Variants in DGKB observed in about 807,000 individuals in gnomAD.
The protein encoded by DGKB is diacylglycerol kinase beta.
DGKB carries 67 observed loss-of-function variants against 114.3 expected under a neutral mutation model. The observed-to-expected ratio is 0.59, with a 90% CI of 0.48 to 0.72. DGKB has a LOEUF of 0.72. Ranked by LOEUF, DGKB falls within the 30% of genes least tolerant of loss-of-function variation. The pLI is 0.00. For synonymous variants in DGKB, 398 were observed against 323.1 expected (o/e 1.23, Z -2.49); for missense variants, 907 against 975.2 (o/e 0.93, Z 0.93).
chr7:14,164,758 G>T (rs1445582561), intron 25 of DGKB, among the ~76,000 whole-genome samples: 4 of 151,986 alleles, frequency 2.6e-5, no homozygotes, highest in African/African-American at 9.7e-5. Flanking sequence ...TAACTTTTTG[G>T]GGGGGTATAA....
At chr7:14,708,674 G>A (rs1416231917) in intron 6 of DGKB, among the ~76,000 whole-genome samples, 1 of 151,366 alleles carries the variant, frequency 6.6e-6, no homozygotes, top group East Asian at 1.9e-4. Flanking sequence ...ACCTACAACT[G>A]TCTGATCTTT....
At chr7:14,343,303 A>C (rs559373506) in intron 22 of DGKB, among the ~76,000 whole-genome samples, 1 of 151,936 alleles carries the variant, frequency 6.6e-6, no homozygotes, top group South Asian at 2.1e-4. Context: ...CAGAGCTAGA[A>C]GGTCAGGCTG....
At chr7:14,279,143 C>A (rs1799481595) in intron 23 of DGKB, among the ~76,000 whole-genome samples, 1 of 152,192 alleles carries the variant, frequency 6.6e-6, no homozygotes, top group African/African-American at 2.4e-5. Flanking sequence ...AAAATCGGGT[C>A]ACTCCCACCC....
chr7:14,724,444 T>C (rs1829717757), intron 5 of DGKB, among the ~76,000 whole-genome samples: 1 of 152,162 alleles, frequency 6.6e-6, no homozygotes, highest in Non-Finnish European at 1.5e-5. Flanking sequence ...TGATTCCTTA[T>C]AAAGAGAAGA....
chr7:14,776,988 G>A (rs1455163330), intron 2 of DGKB, among the ~76,000 whole-genome samples: 1 of 152,188 alleles, frequency 6.6e-6, no homozygotes, highest in African/African-American at 2.4e-5. Flanking sequence ...AAGGCTCTGT[G>A]AGTCCACCTC....
chr7:14,689,873 A>G (rs138317738), intron 9 of DGKB, among the ~76,000 whole-genome samples: 73 of 152,342 alleles, frequency 4.8e-4, no homozygotes, highest in Non-Finnish European at 7.8e-4. Context: ...AACACACTGC[A>G]TATTACTTTA....
chr7:14,947,204 G>A (rs910715364), intron 1 of DGKB, among the ~76,000 whole-genome samples: 5 of 151,548 alleles, frequency 3.3e-5, no homozygotes, highest in African/African-American at 1.2e-4. Flanking sequence ...AGTTTGTTAT[G>A]TTTAAACCTA....
At chr7:14,474,655 CA>C (rs1563267992) in intron 21 of DGKB, among the ~76,000 whole-genome samples, 3 of 150,838 alleles carry the variant, frequency 2.0e-5, no homozygotes, top group African/African-American at 4.9e-5. Context: ...TCCTTTTTTT[CA>C]AAAAAGGAAG....
intron 2 of DGKB, among the ~76,000 whole-genome samples, chr7:14,761,385 T>C (rs886071060): frequency 7.2e-5 from 11 of 152,226 alleles, no homozygotes; most frequent in Admixed American, 1.3e-4. Context: ...AAAATCCTAC[T>C]GCTATGTTTT....
chr7:14,321,093 C>T (rs1346900592), intron 23 of DGKB, among the ~76,000 whole-genome samples: 1 of 152,008 alleles, frequency 6.6e-6, no homozygotes, highest in East Asian at 1.9e-4. Flanking sequence ...GAGTTTGAGA[C>T]CATTCTGGAA....
chr7:14,448,911 A>C (rs1176923937), intron 21 of DGKB, among the ~76,000 whole-genome samples: 4 of 152,092 alleles, frequency 2.6e-5, no homozygotes, highest in Admixed American at 2.6e-4. Context: ...AACTGGAAAG[A>C]CTAAGAACAG....
intron 21 of DGKB, among the ~76,000 whole-genome samples, chr7:14,458,374 C>T (rs765301357): frequency 1.3e-5 from 2 of 152,108 alleles, no homozygotes; most frequent in South Asian, 2.1e-4. Flanking sequence ...TAAAACTAAT[C>T]GTTAATAATA....
chr7:14,689,206 T>TTTTTTTATTTA (rs1822318600), intron 9 of DGKB, among the ~76,000 whole-genome samples: 1 of 122,708 alleles, frequency 8.1e-6, no homozygotes, highest in South Asian at 3.1e-4. Flanking sequence ...CTTATTTTTT[T>TTTTTTTATTTA]TTTTTTTTTT....
chr7:14,626,611 A>C lies in DGKB; in HGVS notation c.1167+3625T>G, dbSNP rs16878242. ...ACTTACTAACAAACTGCAAAGCTGC[A>C]CCTTTAATCAATATGGACTGAACGT... On this transcript the variant is annotated intron_variant, in intron 14 of 25. Coordinates refer to ENST00000402815, the MANE Select transcript of DGKB (RefSeq NM_001350709.2). 2.0e-3 allele frequency among the ~76,000 whole-genome samples: 309 copies of C among 152,314 alleles called. 11 individuals carry two copies. The East Asian group carries it at 0.055, about 27-fold the overall frequency.
chr7:14,688,066 A>G (rs1160016365), intron 9 of DGKB, among the ~76,000 whole-genome samples: 1 of 152,204 alleles, frequency 6.6e-6, no homozygotes, highest in East Asian at 1.9e-4. Context: ...CCAGGAGCCA[A>G]TTACTTCTCA....
intron 2 of DGKB, among the ~76,000 whole-genome samples, chr7:14,839,221 A>G (rs1024832921): frequency 2.0e-5 from 3 of 152,134 alleles, no homozygotes; most frequent in African/African-American, 7.2e-5. Flanking sequence ...ACTCACTCTG[A>G]AGAAGATGCT....
rs1322013120 is a variant in DGKB, at chr7:14,544,516, T to G, written c.1770+29696A>C. Among the ~76,000 whole-genome samples, 4 of 152,198 alleles carry G rather than the reference T, an allele frequency of 2.6e-5. No individual in the cohort carries two copies. The East Asian group carries it at 7.7e-4, about 29-fold the overall frequency. ...AATTACTTATTAAGTTACATATTTATAAATTCACTCATTTTTGTATATAAA... is the reference window on the plus strand; with the variant it reads ...AATTACTTATTAAGTTACATATTTAGAAATTCACTCATTTTTGTATATAAA... On this transcript the variant is annotated intron_variant, in intron 20 of 25. Transcript: ENST00000402815.
chr7:14,741,564 G>C (rs1392754956), intron 4 of DGKB, among the ~76,000 whole-genome samples: 1 of 152,162 alleles, frequency 6.6e-6, no homozygotes, highest in Non-Finnish European at 1.5e-5. Flanking sequence ...CTTAGGGAAT[G>C]AGTAGTTTCT....
chr7:14,472,777 C>A (rs991041468), intron 21 of DGKB, among the ~76,000 whole-genome samples: 3 of 152,098 alleles, frequency 2.0e-5, no homozygotes, highest in South Asian at 2.1e-4. Flanking sequence ...TGGTTGGGAA[C>A]TGGAGCAAAG....
Sources: gnomAD v4.1 joint callset for allele counts (sites outside exome capture counted in the v4.1 genomes callset) on GRCh38, gnomAD v4.1.1 for gene constraint, MANE v1.5 for transcripts, NCBI Gene and HGNC (gene_info 2026-07-23, HGNC 2026-07-21) for gene names.